Variants in ULK1 observed in about 807,000 individuals in gnomAD.
The protein encoded by ULK1 is unc-51 like autophagy activating kinase 1.
ULK1 carries 48 observed loss-of-function variants against 117.5 expected under a neutral mutation model. The observed-to-expected ratio is 0.41, with a 90% CI of 0.32 to 0.52. The LOEUF is 0.52. Ranked by LOEUF, ULK1 falls within the 20% of genes least tolerant of loss-of-function variation. ULK1 has a pLI of 0.29. For missense variants in ULK1, 1,387 were observed against 1,473.4 expected, an observed-to-expected ratio of 0.94 and a Z score of 0.96; for synonymous variants, 790 against 637.8, an observed-to-expected ratio of 1.24 and a Z score of -3.60.
In ULK1 at chr12:131,902,824, G is replaced by A. The variant is rs1432053494; in HGVS notation, c.247-4068G>A. On this transcript the variant is annotated intron_variant, in intron 3 of 27. Coordinates refer to ENST00000321867, the MANE Select transcript of ULK1 (RefSeq NM_003565.4). This position sits in a 1 kb window ranked among gnomAD's most constrained non-coding sequence, Gnocchi z 6.3. Reference sequence around the variant, plus strand: ...GCGAGCTGCTCTGCCTGGGGTGGCCGGTTTCCTCCCCTGGAGCCCAGGGAG... The same window carrying A: ...GCGAGCTGCTCTGCCTGGGGTGGCCAGTTTCCTCCCCTGGAGCCCAGGGAG... Among the ~76,000 whole-genome samples the A allele has an allele frequency of 6.6e-6, 1 of 152,122 alleles. No individual in the cohort carries two copies. The highest frequency in any genetic ancestry group is 6.5e-5 in the Admixed American group (1 of 15,272).
In ULK1 at chr12:131,895,706, T is replaced by TGGGGGA. The variant is rs1053334651; in HGVS notation, c.204+19_204+24dup. The TGGGGGA allele has an allele frequency of 1.2e-5, 20 of 1,613,978 alleles. No homozygotes were observed. Among genetic ancestry groups the TGGGGGA allele is most frequent in the Non-Finnish European group, 1.5e-5 (18 of 1,179,962 alleles). Reference sequence around the variant, plus strand: ...CAAAATCCTGAAGGTGAGCCAGTGCTGGGGGAGGGGGCGTGGGCGTGGGCG... The same window carrying TGGGGGA: ...CAAAATCCTGAAGGTGAGCCAGTGCTGGGGGAGGGGGAGGGGGCGTGGGCGTGGGCG... On this transcript the variant is annotated intron_variant, in intron 2 of 27. Coordinates refer to ENST00000321867, the MANE Select transcript of ULK1 (RefSeq NM_003565.4).
rs982959870 is a variant in ULK1, at chr12:131,921,286, A to G, written c.3098-20A>G. On this transcript the variant is annotated intron_variant, in intron 27 of 27. Coordinates refer to ENST00000321867, the MANE Select transcript of ULK1 (RefSeq NM_003565.4). ...TGGGGACTCTGGGCGTCTCCCTCAC[A>G]CTCCCCTCTCCCTCCACAGGCAAGC... The G allele has an allele frequency of 4.4e-6, 7 of 1,607,050 alleles. No individual in the cohort carries two copies. The highest frequency in any genetic ancestry group is 1.7e-5 in the Admixed American group (1 of 59,938).
rs1268002953 is a variant in ULK1 at position 131,895,807 on chromosome 12, G to T, written c.229G>T (p.Ala77Ser). 7 of 1,614,194 alleles carry T rather than the reference G, an allele frequency of 4.3e-6. No individual in the cohort carries two copies. In the East Asian group the frequency reaches 1.3e-4, roughly 31 times the overall value. Residue 77 changes from alanine (A) to serine (S), a missense_variant, in exon 3 of 28, where the codon GCC becomes TCC. By Grantham distance (99) the Ala-to-Ser change is moderately conservative. This residue lies in a region of ULK1 where 224 missense variants were observed against 325.2 expected (regional missense o/e 0.69). Coordinates refer to ENST00000321867, the MANE Select transcript of ULK1 (RefSeq NM_003565.4). Reference protein sequence around the residue: ...LKELKHENIVALYDFQEMANS... With the variant: ...LKELKHENIVSLYDFQEMANS... ...GGAACTGAAACATGAAAACATCGTG[G>T]CCCTGTACGACTTCCAGGTAAGGCC...
chr12:131,913,124 G>A, intron 13 of ULK1, 74 bp from the exon 14 acceptor site: 1 of 1,426,546 alleles, frequency 7.0e-7, no homozygotes, highest in East Asian at 2.6e-5. Context: ...GGATCCAGCA[G>A]AGAGCCTCGG....
At position 131,906,557 on chromosome 12, in the gene ULK1, G is replaced by C. The variant is rs368706017; in HGVS notation, c.247-335G>C. ...CTTTGATCCTGGGCTGAGGAGCTGA[G>C]AAGCTTCTATGGCCTGAGGGTCACA... On this transcript the variant is annotated intron_variant, in intron 3 of 27. Transcript: ENST00000321867. 1.1e-4 allele frequency: 36 copies of C among 339,188 alleles called. No homozygotes were observed. In the East Asian group the frequency reaches 1.7e-3, roughly 16 times the overall value. The allele number at this position is 339,188 out of a possible 1,614,324, so 21.0% of individuals were successfully genotyped here.
At chr12:131,908,558 G>A (rs1008978592) in intron 5 of ULK1, 86 bp from the exon 6 acceptor site, 9 of 1,392,250 alleles carry the variant, frequency 6.5e-6, no homozygotes, top group Non-Finnish European at 7.5e-6. Flanking sequence ...CTCTCCATCC[G>A]TGTGGCGGGA....
intron 16 of ULK1, 117 bp downstream of exon 16, chr12:131,914,594 C>A: frequency 7.5e-7 from 1 of 1,332,962 alleles, no homozygotes; most frequent in Non-Finnish European, 1.0e-6. Flanking sequence ...GCAGGCTGCG[C>A]ACTGCGTAAC....
intron 3 of ULK1, among the ~76,000 whole-genome samples, chr12:131,901,040 T>G (rs1889064617): frequency 7.5e-6 from 1 of 133,242 alleles, no homozygotes; most frequent in African/African-American, 3.1e-5. Context: ...TGTGTATATC[T>G]TTTTTTTTTT....
chr12:131,898,953 A>G (rs1468770832), intron 3 of ULK1, among the ~76,000 whole-genome samples: 7 of 149,372 alleles, frequency 4.7e-5, no homozygotes, highest in African/African-American at 7.4e-5. Flanking sequence ...ATCTTGGCTC[A>G]CTGCAACCTC....
At chr12:131,899,525 C>CT (rs1889006463) in intron 3 of ULK1, among the ~76,000 whole-genome samples, 2 of 142,082 alleles carry the variant, frequency 1.4e-5, no homozygotes, top group African/African-American at 2.6e-5. Context: ...GGGTCTCACT[C>CT]TCTTGCCCAG....
chr12:131,920,094 C>T lies in ULK1; in HGVS notation c.2919C>T (p.Ser973=). Residue 973 remains serine (S), a synonymous_variant, in exon 26 of 28, where the codon AGC becomes AGT. Transcript: ENST00000321867. The part of the protein sequence containing the change: ...DKQRLLDRIH[S]ITAERLIFSH... ...AGCGGCTCCTGGACCGCATTCACAG[C>T]ATCACTGCCGAGAGGCTCATCTTCA... The T allele has an allele frequency of 2.5e-6, 4 of 1,612,838 alleles. No individual in the cohort carries two copies. The highest frequency in any genetic ancestry group is 2.2e-5 in the East Asian group (1 of 44,886).
chr12:131,921,984 G>A lies in ULK1; in HGVS notation c.*623G>A. On this transcript the variant is annotated 3_prime_UTR_variant, in exon 28 of 28. Transcript: ENST00000321867. ...GAGCACCGGACCACGTTGCTGCCCA[G>A]GTCTGGACCTCAGCGGGAGAACTGG... The A allele has an allele frequency of 8.8e-6, 4 of 455,804 alleles. No individual in the cohort carries two copies. The highest frequency in any genetic ancestry group is 1.5e-5 in the South Asian group (1 of 64,550). The allele number at this position is 455,804 out of a possible 1,614,324, so 28.2% of individuals were successfully genotyped here. A position where few individuals can be genotyped will look rare whatever the true frequency, so the allele number is the denominator to read the frequency against.
intron 21 of ULK1, 27 bp from the exon 22 acceptor site, chr12:131,917,384 C>T (rs1408163038): frequency 1.4e-6 from 2 of 1,441,322 alleles, no homozygotes; most frequent in Non-Finnish European, 1.8e-6. Flanking sequence ...AGTCAGGATG[C>T]TCCTGAGCCC....
chr12:131,919,226 G>T lies in ULK1; in HGVS notation c.2526G>T (p.Glu842Asp), dbSNP rs777618047. 6.3e-7 allele frequency: 1 copy of T among 1,595,760 alleles called. No individual in the cohort carries two copies. Among genetic ancestry groups the T allele is most frequent in the East Asian group, 2.2e-5 (1 of 44,800 alleles). Residue 842 changes from glutamate (E) to aspartate (D), a missense_variant, in exon 24 of 28, where the codon GAG (glutamate) becomes GAT (aspartate). This residue lies in a region of ULK1 where 900 missense variants were observed against 858.9 expected (regional missense o/e 1.05). Coordinates refer to ENST00000321867, the MANE Select transcript of ULK1 (RefSeq NM_003565.4). Reference sequence around the variant, plus strand: ...GCTTCCTGCAGCAAGAGCACACGGAGATCCTGCGTGGCCTGCGCTTCACGC... The same window carrying T: ...GCTTCCTGCAGCAAGAGCACACGGATATCCTGCGTGGCCTGCGCTTCACGC... ...EETLMEQEHT[E>D]ILRGLRFTLL...
rs983525935 is a variant in ULK1 at position 131,903,798 on chromosome 12, C to G, written c.247-3094C>G. On this transcript the variant is annotated intron_variant, in intron 3 of 27. Transcript: ENST00000321867. The surrounding 1 kb of genome is among the most constrained non-coding windows in gnomAD (Gnocchi z 6.0). ...GGAAGAGGCTGGAGGTGCTTCGGTC[C>G]CACAGCCCCCTGCCCACTCCCTCCT... Among the ~76,000 whole-genome samples, 2 of 152,104 alleles carry G rather than the reference C, an allele frequency of 1.3e-5. No individual in the cohort carries two copies. Among genetic ancestry groups the G allele is most frequent in the Non-Finnish European group, 2.9e-5 (2 of 68,006 alleles).
At chr12:131,912,679 TC>T (rs1889591674) in intron 13 of ULK1, among the ~76,000 whole-genome samples, 2 of 152,192 alleles carry the variant, frequency 1.3e-5, no homozygotes, top group Admixed American at 6.5e-5. Context: ...GCCTCTCCCA[TC>T]AGCATGGCTT....
At position 131,922,272 on chromosome 12, in the gene ULK1, G is replaced by A. The variant is rs561792266; in HGVS notation, c.*911G>A. 24 of 349,486 alleles carry A rather than the reference G, an allele frequency of 6.9e-5. No homozygotes were observed. The East Asian group carries it at 8.4e-4, about 12-fold the overall frequency. The allele number at this position is 349,486 out of a possible 1,614,324, so 21.6% of individuals were successfully genotyped here. The stretch of plus-strand genomic sequence containing the variant: ...GGCAGATGGCACAGGGGCGTGTGGC[G>A]GGCGGGTGAGGCTGCTTTGCACACC... On this transcript the variant is annotated 3_prime_UTR_variant, in exon 28 of 28. Transcript: ENST00000321867.
Position 131,902,653 on chromosome 12 carries a change from C to T in ULK1, c.247-4239C>T, listed in dbSNP as rs945716139. Among the ~76,000 whole-genome samples, 2 of 152,144 alleles carry T rather than the reference C, an allele frequency of 1.3e-5. No homozygotes were observed. Among genetic ancestry groups the T allele is most frequent in the Non-Finnish European group, 2.9e-5 (2 of 68,020 alleles). ...GTCAGCAGCCGTTCCCTGTTTCCTC[C>T]CTTTAAATAGGCGGCAAGTTGGGAC... On this transcript the variant is annotated intron_variant, in intron 3 of 27. Transcript: ENST00000321867. This position sits in a 1 kb window ranked among gnomAD's most constrained non-coding sequence, Gnocchi z 6.3.
chr12:131,916,446 C>T lies in ULK1; in HGVS notation c.1927C>T (p.Leu643=), dbSNP rs1470962925. 12 of 1,609,434 alleles carry T rather than the reference C, an allele frequency of 7.5e-6. No homozygotes were observed. The highest frequency in any genetic ancestry group is 1.3e-5 in the African/African-American group (1 of 74,798). Reference sequence around the variant, plus strand: ...GAAGACCCCCAGCTCCCAGAACCTGCTGGCCCTCCTAGCCCGGCAGGGCGT... The same window carrying T: ...GAAGACCCCCAGCTCCCAGAACCTGTTGGCCCTCCTAGCCCGGCAGGGCGT... ...FPKTPSSQNL[L]ALLARQGVVM... is the part of the protein sequence containing the mutation. The change falls in exon 20 of 28, where the codon CTG becomes TTG. Residue 643 remains leucine, a synonymous_variant. Coordinates refer to ENST00000321867, the MANE Select transcript of ULK1 (RefSeq NM_003565.4).
Sources: allele counts gnomAD v4.1 joint callset (sites outside exome capture counted in the v4.1 genomes callset), GRCh38; gene constraint gnomAD v4.1.1; regional missense constraint gnomAD v4.1.1; non-coding constraint Gnocchi (gnomAD v3.1); transcripts MANE v1.5; gene names NCBI Gene and HGNC (gene_info 2026-07-23, HGNC 2026-07-21).